The following MAN1A1 variants were observed in gnomAD, a reference collection of about 807,000 sequenced individuals.
The protein encoded by MAN1A1 is mannosyl-oligosaccharide 1,2-alpha-mannosidase IA.
A neutral mutation model predicts 70.8 loss-of-function variants in MAN1A1; 29 were observed. That is an observed-to-expected ratio of 0.41 (90% CI 0.31 to 0.56). The LOEUF (loss-of-function observed/expected upper bound fraction) is 0.56, where lower values mean the gene tolerates loss of function less well. MAN1A1 is among the 20% of genes least tolerant of loss of function. The pLI, the probability that MAN1A1 is intolerant of heterozygous loss-of-function variation, is 0.29. For synonymous variants in MAN1A1, 349 were observed against 330.1 expected, an observed-to-expected ratio of 1.06 and a Z score of -0.62; for missense variants, 747 against 841.3, an observed-to-expected ratio of 0.89 and a Z score of 1.39.
At chr6:119,272,121 C>A (rs1775941123) in intron 5 of MAN1A1, among the ~76,000 whole-genome samples, 1 of 152,138 alleles carries the variant, frequency 6.6e-6, no homozygotes, top group African/African-American at 2.4e-5. Flanking sequence ...CAATTCCTAT[C>A]ATGAATAGTC....
At chr6:119,294,897 T>C (rs910662091) in intron 4 of MAN1A1, among the ~76,000 whole-genome samples, 22 of 152,260 alleles carry the variant, frequency 1.4e-4, no homozygotes, top group African/African-American at 5.3e-4. Flanking sequence ...CTAATCTCTA[T>C]TATTGTCTTG....
chr6:119,348,714 C>G lies in MAN1A1; in HGVS notation c.352G>C (p.Glu118Gln), dbSNP rs1318584722. The G allele has an allele frequency of 1.9e-6, 3 of 1,593,908 alleles. No individual in the cohort carries two copies. Among genetic ancestry groups the G allele is most frequent in the Non-Finnish European group, 2.6e-6 (3 of 1,171,676 alleles). Residue 118 changes from glutamate to glutamine, a missense_variant, in exon 2 of 13, where the codon GAG (glutamate) becomes CAG (glutamine). By Grantham distance (29) the Glu-to-Gln change is conservative. Coordinates refer to ENST00000368468, the MANE Select transcript of MAN1A1 (RefSeq NM_005907.4). Reference sequence around the variant, plus strand: ...TCGCGGATCCTGGCCAAGTTGTCCTCCAGGGCGGCCTCCGGGTCCCCGGGT... The same window carrying G: ...TCGCGGATCCTGGCCAAGTTGTCCTGCAGGGCGGCCTCCGGGTCCCCGGGT... ...GAPGDPEAALEDNLARIRENH... is the reference protein window; with the variant it reads ...GAPGDPEAALQDNLARIRENH...
chr6:119,301,590 AG>A (rs1772390361), intron 4 of MAN1A1, among the ~76,000 whole-genome samples: 2 of 152,318 alleles, frequency 1.3e-5, no homozygotes, highest in African/African-American at 4.8e-5. Flanking sequence ...TAAGCACTGG[AG>A]CCCCATGGAC....
chr6:119,348,691 G>A lies in MAN1A1; in HGVS notation c.375C>T (p.Arg125=), dbSNP rs754589165. The change falls in exon 2 of 13, where the codon CGC becomes CGT. Residue 125 remains arginine (R), a synonymous_variant. Coordinates refer to ENST00000368468, the MANE Select transcript of MAN1A1 (RefSeq NM_005907.4). ...CCCTGAGAGCCCGCTCGTGGTTTTC[G>A]CGGATCCTGGCCAAGTTGTCCTCCA... ...AALEDNLARI[R]ENHERALREA... is the part of the protein sequence containing the mutation. The A allele has an allele frequency of 6.2e-7, 1 of 1,610,272 alleles. No individual in the cohort carries two copies. Among genetic ancestry groups the A allele is most frequent in the Non-Finnish European group, 8.5e-7 (1 of 1,178,598 alleles).
intron 8 of MAN1A1, among the ~76,000 whole-genome samples, chr6:119,197,669 A>G (rs1413987572): frequency 6.6e-6 from 1 of 152,220 alleles, no homozygotes; most frequent in Non-Finnish European, 1.5e-5. Flanking sequence ...TGGCACAAGC[A>G]AAGACCTGAA....
intron 12 of MAN1A1, 49 bp downstream of exon 12, chr6:119,180,263 A>T (rs767792885): frequency 1.6e-6 from 2 of 1,249,986 alleles, no homozygotes; most frequent in Admixed American, 3.6e-5. Context: ...ATCTACAAAG[A>T]TCTGTTCAGG....
chr6:119,235,176 G>C (rs1449481260), intron 6 of MAN1A1, among the ~76,000 whole-genome samples: 2 of 152,140 alleles, frequency 1.3e-5, no homozygotes, highest in Admixed American at 6.5e-5. Flanking sequence ...AATGGACTCT[G>C]AGTGTTCACA....
At position 119,307,638 on chromosome 6, in the gene MAN1A1, C is replaced by G. The variant is rs3798625; in HGVS notation, c.604-646G>C. ...AGATTGATCCAGTATATTCCTAATT[C>G]AGAGTCTACACACCAATAATGGTTT... On this transcript the variant is annotated intron_variant, in intron 2 of 12. Transcript: ENST00000368468. Among the ~76,000 whole-genome samples the G allele has an allele frequency of 5.9e-3, 896 of 152,228 alleles. 30 individuals are homozygous for G. In the East Asian group the frequency reaches 0.09, roughly 15 times the overall value.
intron 5 of MAN1A1, among the ~76,000 whole-genome samples, chr6:119,260,976 G>GCTTGTTTTTT (rs1554209499): frequency 8.6e-6 from 1 of 116,942 alleles, no homozygotes; most frequent in Non-Finnish European, 1.7e-5. Context: ...TTTTTTTATT[G>GCTTGTTTTTT]TTTTTTTTTT....
chr6:119,249,610 G>C (rs1379674116), intron 5 of MAN1A1, among the ~76,000 whole-genome samples: 1 of 152,080 alleles, frequency 6.6e-6, no homozygotes, highest in African/African-American at 2.4e-5. Context: ...GTCAGCCACT[G>C]GGGAAGCATT....
rs9401133 is a variant in MAN1A1, at chr6:119,197,754, T to C, written c.1210+3500A>G. Among the ~76,000 whole-genome samples, 5 of 151,864 alleles carry C rather than the reference T, an allele frequency of 3.3e-5. No individual in the cohort carries two copies. In the East Asian group the frequency reaches 9.7e-4, roughly 29 times the overall value. On this transcript the variant is annotated intron_variant, in intron 8 of 12. Coordinates refer to ENST00000368468, the MANE Select transcript of MAN1A1 (RefSeq NM_005907.4). ...CTCTGGCTAGAACACAGAATGGGGG[T>C]TGGGGCAGGAGAGAGAGCTAAGACT...
intron 11 of MAN1A1, among the ~76,000 whole-genome samples, chr6:119,183,406 CT>C (rs139277735): frequency 3.3e-5 from 5 of 150,470 alleles, no homozygotes; most frequent in Non-Finnish European, 1.5e-5. Context: ...TTCTTTCCTC[CT>C]TTTTTTTTGA....
chr6:119,316,463 G>A (rs1260435996), intron 2 of MAN1A1, among the ~76,000 whole-genome samples: 2 of 151,842 alleles, frequency 1.3e-5, no homozygotes, highest in Non-Finnish European at 2.9e-5. Flanking sequence ...ACCATGCCCA[G>A]CCAAAAAAAG....
intron 5 of MAN1A1, among the ~76,000 whole-genome samples, chr6:119,283,454 T>A (rs1234032858): frequency 1.3e-5 from 2 of 152,034 alleles, no homozygotes; most frequent in Non-Finnish European, 2.9e-5. Flanking sequence ...GTTGTACAAA[T>A]CCTACTGGGG....
chr6:119,274,985 A>T (rs180768819), intron 5 of MAN1A1, among the ~76,000 whole-genome samples: 160 of 152,356 alleles, frequency 1.1e-3, no homozygotes, highest in African/African-American at 3.6e-3. Context: ...TTTCAAACAC[A>T]ACTTGTGCAA....
chr6:119,195,753 T>TCAAGCTAC (rs1773552598), intron 8 of MAN1A1, among the ~76,000 whole-genome samples: 1 of 152,230 alleles, frequency 6.6e-6, no homozygotes, highest in Non-Finnish European at 1.5e-5. Flanking sequence ...CTGTAACTAC[T>TCAAGCTAC]CAAGCTAAAG....
intron 5 of MAN1A1, among the ~76,000 whole-genome samples, chr6:119,257,038 T>C (rs576043680): frequency 1.3e-5 from 2 of 152,302 alleles, no homozygotes; most frequent in Admixed American, 1.3e-4. Context: ...GGGAATTTTT[T>C]TTAAAAAGTG....
At chr6:119,229,331 G>T (rs1774612011) in intron 6 of MAN1A1, among the ~76,000 whole-genome samples, 1 of 152,108 alleles carries the variant, frequency 6.6e-6, no homozygotes, top group Non-Finnish European at 1.5e-5. Flanking sequence ...CCATCCCAGA[G>T]ATGAGCAATG....
chr6:119,271,607 C>A (rs982802493), intron 5 of MAN1A1, among the ~76,000 whole-genome samples: 6 of 152,018 alleles, frequency 3.9e-5, no homozygotes, highest in African/African-American at 1.5e-4. Context: ...TCAAGCAATT[C>A]TCCTGCCTCA....
Sources: gnomAD v4.1 joint callset for allele counts (sites outside exome capture counted in the v4.1 genomes callset) on GRCh38, gnomAD v4.1.1 for gene constraint, MANE v1.5 for transcripts, NCBI Gene and HGNC (gene_info 2026-07-23, HGNC 2026-07-21) for gene names.